The following TNRC18 variants were observed in gnomAD, a reference collection of about 807,000 sequenced individuals.
The protein encoded by TNRC18 is trinucleotide repeat containing 18.
Under a neutral mutation model 226.7 loss-of-function variants are expected in TNRC18, and 69 were observed. That is an observed-to-expected ratio of 0.30 (90% CI 0.25 to 0.37). TNRC18 has a LOEUF of 0.37. TNRC18 is among the 10% of genes least tolerant of loss of function. The pLI is 1.00. For missense variants in TNRC18, 4,754 were observed against 4,256.6 expected (o/e 1.12, Z -3.25); for synonymous variants, 2,449 against 1,927.6 (o/e 1.27, Z -7.09).
At chr7:5,330,399 ATTGTTTTTTTG>A (rs1391033754) in intron 19 of TNRC18, among the ~76,000 whole-genome samples, 40 of 149,036 alleles carry the variant, frequency 2.7e-4, no homozygotes, top group South Asian at 1.1e-3. Context: ...CTCCCAGCTA[ATTGTTTTTTTG>A]TTGTTTTTTT....
At chr7:5,416,041 G>A (rs1483327488) in intron 2 of TNRC18, among the ~76,000 whole-genome samples, 2 of 151,512 alleles carry the variant, frequency 1.3e-5, no homozygotes, top group Non-Finnish European at 2.9e-5. Context: ...GAACCCAGGA[G>A]GTGGAGGTTG....
chr7:5,328,188 A>C (rs1463904722), intron 19 of TNRC18, among the ~76,000 whole-genome samples: 3 of 151,922 alleles, frequency 2.0e-5, no homozygotes, highest in Admixed American at 6.6e-5. Flanking sequence ...ACTGTACTCC[A>C]GCCTGGGCCA....
chr7:5,324,070 T>C lies in TNRC18; in HGVS notation c.6442+144A>G. ...AGTCCAGCCTTCTCATCGACCCGGA[T>C]AACTCAGCCTCAGGATCTCTGCTCC... On this transcript the variant is annotated intron_variant, in intron 21 of 29. Transcript: ENST00000430969. The surrounding 1 kb of genome is among the most constrained non-coding windows in gnomAD (Gnocchi z 4.8). 1.1e-6 allele frequency: 1 copy of C among 926,430 alleles called. No homozygotes were observed. Among genetic ancestry groups the C allele is most frequent in the Non-Finnish European group, 1.6e-6 (1 of 631,162 alleles). The allele number at this position is 926,430 out of a possible 1,614,324, so 57.4% of individuals were successfully genotyped here.
Position 5,308,210 on chromosome 7 carries a change from T to G in TNRC18, c.8803A>C (p.Thr2935Pro). The part of the protein sequence containing the change: ...GLEQYEQMLK[T>P]KKYQDSEGLY... ...CCCTCGCTGTCCTGGTACTTCTTGGTCTTCAGCATCTGCTCATACTGCTCC... is the reference window on the plus strand; with the variant it reads ...CCCTCGCTGTCCTGGTACTTCTTGGGCTTCAGCATCTGCTCATACTGCTCC... The change falls in exon 30 of 30, where the codon ACC becomes CCC. Residue 2935 changes from threonine (T) to proline (P), a missense_variant. By Grantham distance (38) the Thr-to-Pro change is conservative. Coordinates refer to ENST00000430969, the MANE Select transcript of TNRC18 (RefSeq NM_001080495.3). The G allele has an allele frequency of 1.2e-6, 2 of 1,611,012 alleles. No individual in the cohort carries two copies. Among genetic ancestry groups the G allele is most frequent in the Non-Finnish European group, 1.7e-6 (2 of 1,179,096 alleles).
intron 2 of TNRC18, among the ~76,000 whole-genome samples, chr7:5,415,625 C>G (rs1431412421): frequency 6.6e-6 from 1 of 150,590 alleles, no homozygotes; most frequent in Non-Finnish European, 1.5e-5. Flanking sequence ...AGGTGATCAG[C>G]CTGCCTAGGC....
At chr7:5,386,649 C>CTA (rs1054771743) in intron 5 of TNRC18, among the ~76,000 whole-genome samples, 2 of 151,768 alleles carry the variant, frequency 1.3e-5, no homozygotes, top group African/African-American at 4.8e-5. Context: ...ACTTGGGAGG[C>CTA]TAAGGTTGGA....
At chr7:5,353,617 C>T (rs2128149474) in intron 16 of TNRC18, among the ~76,000 whole-genome samples, 1 of 150,532 alleles carries the variant, frequency 6.6e-6, no homozygotes, top group South Asian at 2.1e-4. Context: ...ACAATCGAAA[C>T]TGAAAAAGCA....
intron 16 of TNRC18, among the ~76,000 whole-genome samples, chr7:5,355,272 A>G (rs1792234304): frequency 6.8e-6 from 1 of 148,000 alleles, no homozygotes. Context: ...CCAATCTGAC[A>G]GTCTCTTGTT....
chr7:5,420,295 CGCCTGGGCCCT>C (rs1320502246), intron 2 of TNRC18: 1 of 433,300 alleles, frequency 2.3e-6, no homozygotes, highest in Non-Finnish European at 4.6e-6. Flanking sequence ...TCCCCTCCGC[CGCCTGGGCCCT>C]GCCCGACCCG....
rs780820267 is a variant in TNRC18, at chr7:5,324,191, C to A, written c.6442+23G>T. ...GAGGCTCCAGCAGCCCCGCCCGGCA[C>A]ATGTGGCATCACGGCCACTCACCCG... On this transcript the variant is annotated intron_variant, in intron 21 of 29. Transcript: ENST00000430969. This position sits in a 1 kb window ranked among gnomAD's most constrained non-coding sequence, Gnocchi z 4.8. 1.3e-6 allele frequency: 2 copies of A among 1,581,842 alleles called. No individual in the cohort carries two copies. Among genetic ancestry groups the A allele is most frequent in the Non-Finnish European group, 1.7e-6 (2 of 1,167,658 alleles).
chr7:5,413,184 G>C (rs1193255628), intron 2 of TNRC18, among the ~76,000 whole-genome samples: 1 of 152,284 alleles, frequency 6.6e-6, no homozygotes. Flanking sequence ...TGGAGGACAA[G>C]GCTACAGTAC....
rs1794441682 is a variant in TNRC18, at chr7:5,374,393, G to A, written c.2891C>T (p.Ala964Val). 6.6e-7 allele frequency: 1 copy of A among 1,521,230 alleles called. No individual in the cohort carries two copies. Among genetic ancestry groups the A allele is most frequent in the Non-Finnish European group, 8.8e-7 (1 of 1,135,294 alleles). 94.2% of individuals were successfully genotyped at this position (1,521,230 alleles called of 1,614,324 possible). Reference protein sequence around the residue: ...GLEAAGKAGLATAGPGLLPRK... With the variant: ...GLEAAGKAGLVTAGPGLLPRK... ...CGGCAGCAGCCCGGGGCCGGCGGTG[G>A]CCAGGCCAGCCTTGCCCGCAGCCTC... The change falls in exon 10 of 30, where the codon GCC (alanine) becomes GTC (valine). Residue 964 changes from alanine (A) to valine (V), a missense_variant. Physicochemically the swap from Ala to Val is moderately conservative, Grantham distance 64. Coordinates refer to ENST00000430969, the MANE Select transcript of TNRC18 (RefSeq NM_001080495.3).
intron 16 of TNRC18, among the ~76,000 whole-genome samples, chr7:5,352,781 C>T (rs1346384959): frequency 6.6e-6 from 1 of 152,244 alleles, no homozygotes; most frequent in African/African-American, 2.4e-5. Flanking sequence ...GGGAGGGGAG[C>T]CTGCCAGGCA....
At chr7:5,410,209 G>A (rs1250905784) in intron 2 of TNRC18, among the ~76,000 whole-genome samples, 13 of 150,280 alleles carry the variant, frequency 8.7e-5, no homozygotes, top group African/African-American at 3.2e-4. Flanking sequence ...TACTCGGGAG[G>A]CTGAGGAATG....
chr7:5,409,598 A>G (rs35346346), intron 2 of TNRC18, among the ~76,000 whole-genome samples: 2,759 of 152,074 alleles, frequency 0.018, 36 homozygotes, highest in Non-Finnish European at 0.029. Flanking sequence ...CAAAAAAATA[A>G]TAATAATTAA....
rs1583982828 is a variant in TNRC18, at chr7:5,377,644, T to G, written c.2256-68A>C. On this transcript the variant is annotated intron_variant, in intron 6 of 29. Transcript: ENST00000430969. The surrounding 1 kb of genome is among the most constrained non-coding windows in gnomAD (Gnocchi z 5.8). Reference sequence around the variant, plus strand: ...CAGGGGACGAGAGGGAGAAGCGGGGTTGCCCCAAGGAACTGTTTGCCACCA... The same window carrying G: ...CAGGGGACGAGAGGGAGAAGCGGGGGTGCCCCAAGGAACTGTTTGCCACCA... 1 of 1,485,546 alleles carries G rather than the reference T, an allele frequency of 6.7e-7. No individual in the cohort carries two copies. Among genetic ancestry groups the G allele is most frequent in the Non-Finnish European group, 9.1e-7 (1 of 1,097,662 alleles). 92.0% of individuals were successfully genotyped at this position (1,485,546 alleles called of 1,614,324 possible). A position where few individuals can be genotyped will look rare whatever the true frequency, so the allele number is the denominator to read the frequency against.
intron 19 of TNRC18, among the ~76,000 whole-genome samples, chr7:5,331,700 C>A (rs138579793): frequency 3.9e-5 from 6 of 152,082 alleles, no homozygotes; most frequent in Non-Finnish European, 7.4e-5. Context: ...GGCAGGAGAA[C>A]AGAGTTTGAG....
Position 5,377,371 on chromosome 7 carries a change from C to T in TNRC18, c.2461G>A (p.Gly821Ser), listed in dbSNP as rs146390595. Reference protein sequence around the residue: ...ASMWLAGHPYGLGPPSLHQGM... With the variant: ...ASMWLAGHPYSLGPPSLHQGM... ...GAGAGACCCTGTGCCCCACACTCACCGTAGGGGTGTCCAGCGAGCCACATG... is the reference window on the plus strand; with the variant it reads ...GAGAGACCCTGTGCCCCACACTCACTGTAGGGGTGTCCAGCGAGCCACATG... Residue 821 changes from glycine to serine, a missense_variant and splice_region_variant, in exon 7 of 30, where the codon GGC becomes AGC. Gly to Ser is a moderately conservative substitution (Grantham distance 56). Transcript: ENST00000430969. The surrounding 1 kb of genome is among the most constrained non-coding windows in gnomAD (Gnocchi z 5.8). 53 of 1,572,450 alleles carry T rather than the reference C, an allele frequency of 3.4e-5. No individual in the cohort carries two copies. The African/African-American group carries it at 5.9e-4, about 18-fold the overall frequency.
At chr7:5,417,584 G>C (rs1782269987) in intron 2 of TNRC18, among the ~76,000 whole-genome samples, 1 of 152,216 alleles carries the variant, frequency 6.6e-6, no homozygotes, top group African/African-American at 2.4e-5. Flanking sequence ...CTGTCTGTTG[G>C]GTTCACTGCC....
Sources: gnomAD v4.1 joint callset for allele counts (sites outside exome capture counted in the v4.1 genomes callset) on GRCh38, gnomAD v4.1.1 for gene constraint, Gnocchi (gnomAD v3.1) non-coding constraint, MANE v1.5 for transcripts, NCBI Gene and HGNC (gene_info 2026-07-23, HGNC 2026-07-21) for gene names.